The following GNAQ variants were observed in gnomAD, a reference collection of about 807,000 sequenced individuals.
GNAQ encodes the protein guanine nucleotide-binding protein G(q) subunit alpha.
Under a neutral mutation model 43.9 loss-of-function variants are expected in GNAQ, and 8 were observed. The observed-to-expected ratio is 0.18, with a 90% CI of 0.11 to 0.33. GNAQ has a LOEUF of 0.33. GNAQ is among the 10% of genes least tolerant of loss of function. GNAQ has a pLI of 1.00. For missense variants in GNAQ, 158 were observed against 450.8 expected, an observed-to-expected ratio of 0.35 and a Z score of 5.88; for synonymous variants, 155 against 170.7, an observed-to-expected ratio of 0.91 and a Z score of 0.71.
chr9:77,860,873 T>C (rs1160236095), intron 2 of GNAQ, among the ~76,000 whole-genome samples: 2 of 152,200 alleles, frequency 1.3e-5, no homozygotes, highest in African/African-American at 4.8e-5. Flanking sequence ...TCTCACTCTC[T>C]GTGGTAAGAA....
chr9:77,774,733 C>T (rs1014241879), intron 5 of GNAQ, among the ~76,000 whole-genome samples: 2 of 152,232 alleles, frequency 1.3e-5, no homozygotes, highest in Admixed American at 6.5e-5. Context: ...AAAGTGCTGG[C>T]ATTACAGGTT....
chr9:77,860,917 A>G (rs1189076881), intron 2 of GNAQ, among the ~76,000 whole-genome samples: 1 of 151,800 alleles, frequency 6.6e-6, no homozygotes, highest in Non-Finnish European at 1.5e-5. Context: ...CCACCATCCT[A>G]CTCCCCAGAA....
At chr9:77,981,544 C>T (rs1823368256) in intron 1 of GNAQ, among the ~76,000 whole-genome samples, 1 of 152,166 alleles carries the variant, frequency 6.6e-6, no homozygotes, top group Non-Finnish European at 1.5e-5. Flanking sequence ...ATAACATTCA[C>T]TGTGAATCAG....
At chr9:77,792,205 G>A (rs553963309) in intron 5 of GNAQ, among the ~76,000 whole-genome samples, 1 of 152,224 alleles carries the variant, frequency 6.6e-6, no homozygotes, top group South Asian at 2.1e-4. Context: ...AAGGAACACC[G>A]TACAAGTTGA....
At chr9:77,957,562 AG>A (rs1446255099) in intron 1 of GNAQ, among the ~76,000 whole-genome samples, 1 of 152,150 alleles carries the variant, frequency 6.6e-6, no homozygotes, top group East Asian at 1.9e-4. Flanking sequence ...GAGAAAAGCA[AG>A]GGGAATTTGC....
At chr9:77,768,670 CT>C (rs1364776847) in intron 5 of GNAQ, among the ~76,000 whole-genome samples, 2 of 152,158 alleles carry the variant, frequency 1.3e-5, no homozygotes, top group African/African-American at 4.8e-5. Flanking sequence ...TGTCTTGGGA[CT>C]TTTGTTTAAG....
intron 3 of GNAQ, among the ~76,000 whole-genome samples, chr9:77,807,778 G>C (rs1826851163): frequency 6.6e-6 from 1 of 152,168 alleles, no homozygotes; most frequent in Non-Finnish European, 1.5e-5. Flanking sequence ...TCACCTCTAA[G>C]AGGGGTTTGA....
chr9:77,845,203 T>A (rs1827564136), intron 2 of GNAQ, among the ~76,000 whole-genome samples: 2 of 152,174 alleles, frequency 1.3e-5, no homozygotes, highest in South Asian at 4.1e-4. Context: ...TGTCAGAAAA[T>A]CTAAAATGGT....
chr9:77,744,141 A>G (rs1825695569), intron 5 of GNAQ, among the ~76,000 whole-genome samples: 2 of 152,196 alleles, frequency 1.3e-5, no homozygotes, highest in Non-Finnish European at 2.9e-5. Flanking sequence ...AGTTATAGTT[A>G]CTGTAGTGAA....
intron 2 of GNAQ, among the ~76,000 whole-genome samples, chr9:77,884,601 T>A (rs752458668): frequency 3.3e-5 from 5 of 152,056 alleles, no homozygotes; most frequent in African/African-American, 7.2e-5. Flanking sequence ...CCCCACCCCC[T>A]CAAACTGAAG....
intron 1 of GNAQ, among the ~76,000 whole-genome samples, chr9:77,998,636 A>G (rs926075059): frequency 1.3e-5 from 2 of 152,240 alleles, no homozygotes; most frequent in Non-Finnish European, 1.5e-5. Context: ...TTGCTTCAAT[A>G]TCTATGAACA....
At chr9:77,801,160 C>T (rs1826737865) in intron 3 of GNAQ, among the ~76,000 whole-genome samples, 1 of 152,080 alleles carries the variant, frequency 6.6e-6, no homozygotes, top group African/African-American at 2.4e-5. Context: ...ATTTAAAGAA[C>T]CAGCACATGA....
intron 3 of GNAQ, among the ~76,000 whole-genome samples, chr9:77,808,487 G>A (rs1587925873): frequency 6.6e-6 from 1 of 151,524 alleles, no homozygotes; most frequent in East Asian, 1.9e-4. Context: ...CTGAAGAAGA[G>A]CAAACATATG....
In GNAQ at chr9:77,744,959, T is replaced by C. The variant is rs145428834; in HGVS notation, c.736-16292A>G. 1.4e-3 allele frequency among the ~76,000 whole-genome samples: 219 copies of C among 152,266 alleles called. 2 individuals are homozygous for C. The highest frequency in any genetic ancestry group is 3.9e-3 in the African/African-American group (164 of 41,534). On this transcript the variant is annotated intron_variant, in intron 5 of 6. Coordinates refer to ENST00000286548, the MANE Select transcript of GNAQ (RefSeq NM_002072.5). ...AATTCAAGCCACAGATGTGGAAGGA[T>C]GTCTGCCAAATATATGGTATCGGCA...
At chr9:78,011,382 A>T (rs993190910) in intron 1 of GNAQ, among the ~76,000 whole-genome samples, 8 of 152,202 alleles carry the variant, frequency 5.3e-5, no homozygotes, top group African/African-American at 1.7e-4. Context: ...GGCCAGACAA[A>T]ATTTGGAACA....
chr9:78,019,450 T>G (rs58723591), intron 1 of GNAQ, among the ~76,000 whole-genome samples: 212 of 152,336 alleles, frequency 1.4e-3, no homozygotes, highest in African/African-American at 4.9e-3. Flanking sequence ...AGATAGTGCT[T>G]GCCAATTCAT....
intron 1 of GNAQ, among the ~76,000 whole-genome samples, chr9:77,951,331 C>A (rs1376846702): frequency 6.6e-6 from 1 of 152,010 alleles, no homozygotes; most frequent in African/African-American, 2.4e-5. Flanking sequence ...CTCCTGGCCT[C>A]AAGTGATCTG....
intron 2 of GNAQ, among the ~76,000 whole-genome samples, chr9:77,887,951 C>T (rs1828339292): frequency 6.6e-6 from 1 of 152,184 alleles, no homozygotes; most frequent in Non-Finnish European, 1.5e-5. Context: ...ATCAGTAGTT[C>T]TCAAAGTGTA....
chr9:77,951,684 G>A (rs1489501571), intron 1 of GNAQ, among the ~76,000 whole-genome samples: 7 of 152,088 alleles, frequency 4.6e-5, no homozygotes, highest in Admixed American at 4.6e-4. Flanking sequence ...GTTACTTTAA[G>A]GAGGAGAGGC....
Sources: allele counts gnomAD v4.1 joint callset (sites outside exome capture counted in the v4.1 genomes callset), GRCh38; gene constraint gnomAD v4.1.1; transcripts MANE v1.5; gene names NCBI Gene and HGNC (gene_info 2026-07-23, HGNC 2026-07-21).